The following PDZD8 variants were observed in gnomAD, a reference collection of about 807,000 sequenced individuals.
PDZD8 encodes the protein PDZ domain-containing protein 8.
In PDZD8, 14 loss-of-function variants were observed where a neutral mutation model predicts 85.8. The observed-to-expected ratio is 0.16, with a 90% CI of 0.11 to 0.26. The LOEUF (loss-of-function observed/expected upper bound fraction) is 0.26. Ranked by LOEUF, PDZD8 falls within the 10% of genes least tolerant of loss-of-function variation. The probability of loss-of-function intolerance (pLI) is 1.00; values close to 1 mark genes in which losing one functional copy is unlikely to be tolerated. For missense variants in PDZD8, 1,197 were observed against 1,424.3 expected (o/e 0.84, Z 2.57); for synonymous variants, 592 against 568.6 (o/e 1.04, Z -0.59).
chr10:117,330,327 T>C (rs1248776591), intron 2 of PDZD8, among the ~76,000 whole-genome samples: 1 of 152,046 alleles, frequency 6.6e-6, no homozygotes, highest in Non-Finnish European at 1.5e-5. Context: ...TGCAGAACAC[T>C]CCTACAGGGA....
chr10:117,297,117 T>C (rs73394936), intron 3 of PDZD8, among the ~76,000 whole-genome samples: 3,368 of 152,138 alleles, frequency 0.022, 132 homozygotes, highest in African/African-American at 0.077. Context: ...GGCAAAAGAT[T>C]TGAACAGATA....
At chr10:117,371,310 G>C (rs961200764) in intron 1 of PDZD8, among the ~76,000 whole-genome samples, 9 of 152,096 alleles carry the variant, frequency 5.9e-5, no homozygotes, top group Non-Finnish European at 1.2e-4. Context: ...TCAGCCTCCA[G>C]AGTAGCTGGG....
At chr10:117,341,185 C>T (rs1039547603) in intron 1 of PDZD8, 83 bp from the exon 2 acceptor site, 11 of 1,447,330 alleles carry the variant, frequency 7.6e-6, no homozygotes, top group Non-Finnish European at 1.0e-5. Context: ...TGTACAAAAA[C>T]ACAAAGCAAA....
At chr10:117,318,729 T>C (rs900635105) in intron 3 of PDZD8, 143 bp downstream of exon 3, 24 of 574,342 alleles carry the variant, frequency 4.2e-5, no homozygotes, top group African/African-American at 2.9e-4. Context: ...TGTAGTTGTA[T>C]TGTAACGAGA....
At chr10:117,296,191 A>C (rs916071662) in intron 3 of PDZD8, among the ~76,000 whole-genome samples, 1 of 9,532 alleles carries the variant, frequency 1.0e-4, no homozygotes, top group African/African-American at 2.0e-4. Context: ...ATTACAATTA[A>C]AATTATAAAT....
intron 1 of PDZD8, among the ~76,000 whole-genome samples, chr10:117,363,990 T>C (rs7072027): frequency 0.23 from 35,128 of 152,086 alleles, 4,722 homozygotes; most frequent in East Asian, 0.44. Flanking sequence ...TTTATCAATA[T>C]TGACCTTTCT....
intron 2 of PDZD8, among the ~76,000 whole-genome samples, chr10:117,333,197 G>C (rs1844460527): frequency 6.8e-6 from 1 of 148,136 alleles, no homozygotes; most frequent in Admixed American, 6.8e-5. Flanking sequence ...TCTGGAGTTA[G>C]ACAAAACTAG....
chr10:117,298,602 A>G (rs1843794597), intron 3 of PDZD8, among the ~76,000 whole-genome samples: 1 of 152,020 alleles, frequency 6.6e-6, no homozygotes, highest in South Asian at 2.1e-4. Flanking sequence ...ACTACAGACA[A>G]TATATATATC....
intron 1 of PDZD8, among the ~76,000 whole-genome samples, chr10:117,350,511 G>A (rs1844787408): frequency 1.3e-5 from 2 of 151,106 alleles, no homozygotes; most frequent in Admixed American, 6.6e-5. Context: ...TGATCCACCT[G>A]CTTCGGCCTC....
chr10:117,343,014 G>A (rs1432770402), intron 1 of PDZD8, among the ~76,000 whole-genome samples: 2 of 152,120 alleles, frequency 1.3e-5, no homozygotes, highest in Middle Eastern at 3.4e-3. Context: ...TCTAAATTGC[G>A]TGCATTTATG....
In PDZD8 at chr10:117,341,093, C is replaced by A. The variant is rs375197782; in HGVS notation, c.882G>T (p.Pro294=). The part of the protein sequence containing the change: ...TLPNYKIRFK[P]FFPYQTLQGF... ...CTTGCAAGGTCTGGTATGGAAAAAA[C>A]GGCTTAAACCTGACAAAAGTAAAGA... is the stretch of plus-strand genomic sequence containing the variant. Residue 294 remains proline (P), a synonymous_variant, in exon 2 of 5, where the codon CCG becomes CCT. Transcript: ENST00000334464. 6.2e-7 allele frequency: 1 copy of A among 1,613,008 alleles called. No homozygotes were observed. The highest frequency in any genetic ancestry group is 2.2e-5 in the East Asian group (1 of 44,842).
At chr10:117,351,839 T>C (rs557009289) in intron 1 of PDZD8, among the ~76,000 whole-genome samples, 38 of 152,240 alleles carry the variant, frequency 2.5e-4, no homozygotes, top group African/African-American at 8.7e-4. Context: ...AGATGCAGGC[T>C]ACCACACCCA....
intron 2 of PDZD8, among the ~76,000 whole-genome samples, chr10:117,321,247 T>C (rs1844220630): frequency 6.6e-6 from 1 of 152,096 alleles, no homozygotes; most frequent in South Asian, 2.1e-4. Flanking sequence ...AAGCCAAATA[T>C]CCATCAAATG....
In PDZD8 at chr10:117,354,956, T is replaced by C. The variant is rs78583665; in HGVS notation, c.873-13854A>G. Among the ~76,000 whole-genome samples, 31 of 152,366 alleles carry C rather than the reference T, an allele frequency of 2.0e-4. No homozygotes were observed. The East Asian group carries it at 4.2e-3, about 21-fold the overall frequency. On this transcript the variant is annotated intron_variant, in intron 1 of 4. Coordinates refer to ENST00000334464, the MANE Select transcript of PDZD8 (RefSeq NM_173791.5). The stretch of plus-strand genomic sequence containing the variant: ...CAAAACCTCTATTAGTTGTAACTTT[T>C]ATGGCATACATTATCATGCAAACTA...
intron 3 of PDZD8, among the ~76,000 whole-genome samples, chr10:117,295,901 T>A (rs951152353): frequency 6.6e-6 from 1 of 152,116 alleles, no homozygotes; most frequent in African/African-American, 2.4e-5. Flanking sequence ...GATGAAAGAT[T>A]TTGTTTTATA....
Position 117,375,396 on chromosome 10 carries a change from C to G in PDZD8, c.-169G>C. On this transcript the variant is annotated 5_prime_UTR_variant, in exon 1 of 5. Coordinates refer to ENST00000334464, the MANE Select transcript of PDZD8 (RefSeq NM_173791.5). Reference sequence around the variant, plus strand: ...GGCCGGCGCGCTGCGGCGCCCGAGCCCGCAGCGGCCCGCGCCTCCTCAGAC... The same window carrying G: ...GGCCGGCGCGCTGCGGCGCCCGAGCGCGCAGCGGCCCGCGCCTCCTCAGAC... 1 of 341,186 alleles carries G rather than the reference C, an allele frequency of 2.9e-6. No individual in the cohort carries two copies. Among genetic ancestry groups the G allele is most frequent in the Non-Finnish European group, 5.1e-6 (1 of 195,928 alleles). 21.1% of individuals were successfully genotyped at this position (341,186 alleles called of 1,614,324 possible).
chr10:117,370,384 T>C (rs7924178), intron 1 of PDZD8, among the ~76,000 whole-genome samples: 33,065 of 152,088 alleles, frequency 0.22, 4,055 homozygotes, highest in Middle Eastern at 0.34. Flanking sequence ...TGATTCACTT[T>C]AGCAACACGA....
At chr10:117,361,625 T>A (rs1202142227) in intron 1 of PDZD8, among the ~76,000 whole-genome samples, 1 of 152,174 alleles carries the variant, frequency 6.6e-6, no homozygotes, top group African/African-American at 2.4e-5. Flanking sequence ...AGTCAGGTGT[T>A]ATCAAACAGA....
chr10:117,364,990 C>G (rs952427160), intron 1 of PDZD8, among the ~76,000 whole-genome samples: 9 of 151,852 alleles, frequency 5.9e-5, no homozygotes, highest in African/African-American at 1.7e-4. Context: ...ATATAAGAGG[C>G]TTGTATATGT....
Sources: allele counts gnomAD v4.1 joint callset (sites outside exome capture counted in the v4.1 genomes callset), GRCh38; gene constraint gnomAD v4.1.1; transcripts MANE v1.5; gene names NCBI Gene and HGNC (gene_info 2026-07-23, HGNC 2026-07-21).